PCDH15: variants seen among roughly 807,000 people sequenced by gnomAD.
PCDH15 encodes protocadherin related 15.
PCDH15 carries 129 observed loss-of-function variants against 178.5 expected under a neutral mutation model. That is an observed-to-expected ratio of 0.72 (90% confidence interval 0.63 to 0.84). The LOEUF (loss-of-function observed/expected upper bound fraction) is 0.84. PCDH15 is among the 40% of genes least tolerant of loss of function. The pLI is 0.00. For missense variants in PCDH15, 2,230 were observed against 2,099.9 expected (o/e 1.06, Z -1.21); for synonymous variants, 800 against 732.0 (o/e 1.09, Z -1.50).
At chr10:54,780,479 A>G (rs1482269187) in intron 1 of PCDH15, among the ~76,000 whole-genome samples, 1 of 152,132 alleles carries the variant, frequency 6.6e-6, no homozygotes, top group Non-Finnish European at 1.5e-5. Flanking sequence ...TCCCTTGAGG[A>G]TGGGATTTTT....
intron 2 of PCDH15, among the ~76,000 whole-genome samples, chr10:55,355,225 G>A (rs76704991): frequency 0.06 from 9,119 of 152,048 alleles, 624 homozygotes; most frequent in African/African-American, 0.17. Context: ...TTTGCATGTA[G>A]ATTTTTGTGT....
chr10:55,358,502 A>G (rs1484445590), intron 2 of PCDH15, among the ~76,000 whole-genome samples: 1 of 152,072 alleles, frequency 6.6e-6, no homozygotes, highest in East Asian at 1.9e-4. Context: ...GTTATATGTA[A>G]TCATGTCCTA....
chr10:54,245,257 CAT>C (rs1310362884), intron 8 of PCDH15, among the ~76,000 whole-genome samples: 1 of 152,014 alleles, frequency 6.6e-6, no homozygotes, highest in Non-Finnish European at 1.5e-5. Flanking sequence ...GGTAAAAGAA[CAT>C]ACATTTTTAA....
intron 3 of PCDH15, among the ~76,000 whole-genome samples, chr10:54,829,145 T>A (rs1323165640): frequency 6.6e-6 from 1 of 151,968 alleles, no homozygotes; most frequent in African/African-American, 2.4e-5. Flanking sequence ...ACCTCAAGTG[T>A]GATGAATAGG....
intron 2 of PCDH15, among the ~76,000 whole-genome samples, chr10:55,335,103 C>T (rs1300243969): frequency 1.3e-5 from 2 of 152,160 alleles, no homozygotes; most frequent in African/African-American, 4.8e-5. Flanking sequence ...TCCATAGCCC[C>T]TTTTTGCTGT....
chr10:54,730,829 C>T (rs984529046), intron 1 of PCDH15, among the ~76,000 whole-genome samples: 14 of 151,424 alleles, frequency 9.2e-5, no homozygotes, highest in Non-Finnish European at 1.3e-4. Context: ...AAATACTTAA[C>T]GACACTGGTC....
chr10:54,238,139 C>T (rs1436827814), intron 8 of PCDH15, among the ~76,000 whole-genome samples: 1 of 152,058 alleles, frequency 6.6e-6, no homozygotes, highest in Non-Finnish European at 1.5e-5. Context: ...GAAACTTAAA[C>T]TACTGTTTCC....
chr10:54,169,939 C>T (rs1484851883), intron 13 of PCDH15, among the ~76,000 whole-genome samples: 2 of 150,864 alleles, frequency 1.3e-5, no homozygotes, highest in Non-Finnish European at 3.0e-5. Context: ...CCCGTGCTGC[C>T]AAACCCATAT....
chr10:54,105,274 GGA>G (rs1491174031), intron 15 of PCDH15, among the ~76,000 whole-genome samples: 22 of 20,510 alleles, frequency 1.1e-3, no homozygotes, highest in African/African-American at 2.7e-3. Context: ...ACATATAGAT[GGA>G]GATATATATA....
chr10:55,040,494 T>TACAACAACAACA lies in PCDH15; in HGVS notation c.-80+126070_-80+126081dup, dbSNP rs71461272. 6.6e-3 allele frequency among the ~76,000 whole-genome samples: 987 copies of TACAACAACAACA among 149,836 alleles called. 4 individuals carry two copies. Among genetic ancestry groups the TACAACAACAACA allele is most frequent in the Middle Eastern group, 0.01 (3 of 290 alleles). On this transcript the variant is annotated intron_variant, in intron 2 of 5. Coordinates refer to the PCDH15 transcript ENST00000458638. ...TGAATCAAAAAAAAACCAAAACAAC[T>TACAACAACAACA]ACAACAACAACAACAACAACAACAA...
chr10:54,251,759 G>A lies in PCDH15; in HGVS notation c.877-14828C>T, dbSNP rs560096768. On this transcript the variant is annotated intron_variant, in intron 8 of 37. Transcript: ENST00000644397. ...ATATTTGTTATTATTGTTTAGAGTC[G>A]CAGCTTTGCTTTCTGCATCTTAAAT... Among the ~76,000 whole-genome samples, 11 of 152,132 alleles carry A rather than the reference G, an allele frequency of 7.2e-5. No homozygotes were observed. The South Asian group carries it at 1.2e-3, about 17-fold the overall frequency.
chr10:54,612,997 C>A (rs550840115), intron 2 of PCDH15, among the ~76,000 whole-genome samples: 26 of 151,740 alleles, frequency 1.7e-4, no homozygotes, highest in Non-Finnish European at 3.2e-4. Context: ...AGAGGCATGG[C>A]ATAATTTTAC....
chr10:54,230,107 G>C (rs866843881), intron 9 of PCDH15, among the ~76,000 whole-genome samples: 2 of 152,052 alleles, frequency 1.3e-5, no homozygotes, highest in African/African-American at 4.8e-5. Context: ...TAAAAGGCAG[G>C]CATACATGCA....
chr10:53,827,311 C>A, intron 32 of PCDH15, 82 bp downstream of exon 32: 1 of 1,484,762 alleles, frequency 6.7e-7, no homozygotes, highest in Non-Finnish European at 9.0e-7. Context: ...GGCATTTCCA[C>A]ATCAGATTGA....
At chr10:54,107,858 G>T (rs1483405101) in intron 15 of PCDH15, among the ~76,000 whole-genome samples, 1 of 152,180 alleles carries the variant, frequency 6.6e-6, no homozygotes, top group East Asian at 1.9e-4. Context: ...GAGAGGAAAA[G>T]GAGGTCATTC....
chr10:54,168,558 C>A (rs1398183226), intron 13 of PCDH15, among the ~76,000 whole-genome samples: 1 of 152,192 alleles, frequency 6.6e-6, no homozygotes, highest in African/African-American at 2.4e-5. Flanking sequence ...CGTGACTAGC[C>A]CTCCCCCACC....
intron 1 of PCDH15, among the ~76,000 whole-genome samples, chr10:55,248,772 G>T (rs1183814982): frequency 6.6e-6 from 1 of 151,930 alleles, no homozygotes; most frequent in Non-Finnish European, 1.5e-5. Flanking sequence ...GCCCAGGCTG[G>T]TCTCCAACTC....
At chr10:55,064,132 G>A (rs1841505278) in intron 2 of PCDH15, among the ~76,000 whole-genome samples, 1 of 151,972 alleles carries the variant, frequency 6.6e-6, no homozygotes, top group Admixed American at 6.6e-5. Flanking sequence ...AAATACATAT[G>A]GAAAAATCTC....
intron 2 of PCDH15, among the ~76,000 whole-genome samples, chr10:55,329,079 T>C (rs1027469500): frequency 6.0e-5 from 9 of 150,002 alleles, no homozygotes; most frequent in African/African-American, 2.0e-4. Flanking sequence ...AACCTAAAGT[T>C]AAATAAGACA....
Sources: allele counts gnomAD v4.1 joint callset (sites outside exome capture counted in the v4.1 genomes callset), GRCh38; gene constraint gnomAD v4.1.1; transcripts MANE v1.5; gene names NCBI Gene and HGNC (gene_info 2026-07-23, HGNC 2026-07-21).